The following MTUS2 variants were observed in gnomAD, a reference collection of about 807,000 sequenced individuals.
MTUS2 encodes microtubule associated scaffold protein 2.
Under a neutral mutation model 114.1 loss-of-function variants are expected in MTUS2, and 40 were observed. The ratio of observed to expected loss-of-function variants is 0.35; its 90% CI spans 0.27 to 0.46. The LOEUF (loss-of-function observed/expected upper bound fraction) is 0.46. Among genes scored for constraint, MTUS2 ranks in the 20% least tolerant of loss-of-function variants. MTUS2 has a pLI of 1.00. For synonymous variants in MTUS2, 688 were observed against 672.0 expected, an observed-to-expected ratio of 1.02 and a Z score of -0.37; for missense variants, 1,679 against 1,705.4, an observed-to-expected ratio of 0.98 and a Z score of 0.27.
intron 2 of MTUS2, among the ~76,000 whole-genome samples, chr13:28,881,192 G>A (rs1202963742): frequency 6.6e-6 from 1 of 152,116 alleles, no homozygotes; most frequent in Non-Finnish European, 1.5e-5. Context: ...TGTACTTACT[G>A]TTTAGTTCCC....
chr13:29,225,515 TATC>T (rs1896073326), intron 5 of MTUS2, among the ~76,000 whole-genome samples: 1 of 152,210 alleles, frequency 6.6e-6, no homozygotes, highest in African/African-American at 2.4e-5. Flanking sequence ...TGGTAAATCA[TATC>T]ATGATCCACC....
chr13:28,974,802 G>A (rs1460946722), intron 2 of MTUS2, among the ~76,000 whole-genome samples: 1 of 152,106 alleles, frequency 6.6e-6, no homozygotes, highest in Non-Finnish European at 1.5e-5. Flanking sequence ...GTCAAATCCT[G>A]ACAGTTTTAC....
At chr13:29,468,492 T>C (rs1277340288) in intron 9 of MTUS2, among the ~76,000 whole-genome samples, 1 of 151,882 alleles carries the variant, frequency 6.6e-6, no homozygotes, top group Non-Finnish European at 1.5e-5. Flanking sequence ...GGCAGGAAAA[T>C]TGTTTGAACC....
chr13:29,330,764 T>C (rs751052722), intron 7 of MTUS2, among the ~76,000 whole-genome samples: 4 of 152,226 alleles, frequency 2.6e-5, no homozygotes, highest in Non-Finnish European at 5.9e-5. Flanking sequence ...GCATTATTTC[T>C]GAGGCCTTTA....
chr13:29,275,387 T>A lies in MTUS2; in HGVS notation c.2645-6317T>A, dbSNP rs191585072. 2.9e-3 allele frequency among the ~76,000 whole-genome samples: 438 copies of A among 152,304 alleles called. 2 individuals are homozygous for A. Among genetic ancestry groups the A allele is most frequent in the African/African-American group, 9.0e-3 (376 of 41,572 alleles). On this transcript the variant is annotated intron_variant, in intron 5 of 15. Transcript: ENST00000612955. ...TGTGTTATAAACAATCTAGTTATAC[T>A]CTTTTAGTTATTTTTAAATGTATAA...
intron 7 of MTUS2, among the ~76,000 whole-genome samples, chr13:29,336,790 A>G (rs565963873): frequency 1.2e-4 from 18 of 152,278 alleles, no homozygotes; most frequent in Non-Finnish European, 1.9e-4. Flanking sequence ...TGGGAATTCT[A>G]TCTATAAGCC....
At chr13:29,359,854 A>T (rs1315106870) in intron 8 of MTUS2, among the ~76,000 whole-genome samples, 1 of 152,152 alleles carries the variant, frequency 6.6e-6, no homozygotes, top group Non-Finnish European at 1.5e-5. Context: ...TCACATCACA[A>T]CAAAGGGAGA....
chr13:29,227,116 G>A (rs1489604767), intron 5 of MTUS2, among the ~76,000 whole-genome samples: 1 of 152,020 alleles, frequency 6.6e-6, no homozygotes, highest in Non-Finnish European at 1.5e-5. Context: ...AAAATTAGCT[G>A]GGTGTGGTAG....
intron 5 of MTUS2, among the ~76,000 whole-genome samples, chr13:29,228,186 G>A (rs1377447336): frequency 1.3e-5 from 2 of 152,192 alleles, no homozygotes; most frequent in Non-Finnish European, 2.9e-5. Context: ...GTAGGGGAGT[G>A]GGTGAATACG....
chr13:29,489,139 G>A (rs1313854590), intron 11 of MTUS2, among the ~76,000 whole-genome samples: 2 of 152,040 alleles, frequency 1.3e-5, no homozygotes, highest in African/African-American at 4.8e-5. Context: ...ACAAAAATTA[G>A]CCAGGCGCGG....
intron 2 of MTUS2, among the ~76,000 whole-genome samples, chr13:28,927,418 TAGTC>T (rs1262696428): frequency 6.6e-6 from 1 of 151,880 alleles, no homozygotes; most frequent in Admixed American, 6.6e-5. Context: ...AAGAAAAAAT[TAGTC>T]AGGCATAGTG....
intron 3 of MTUS2, among the ~76,000 whole-genome samples, chr13:29,032,598 A>G (rs535978118): frequency 4.6e-5 from 7 of 152,374 alleles, no homozygotes; most frequent in African/African-American, 1.4e-4. Context: ...GCCAAGGACT[A>G]TCTACTATAA....
chr13:29,175,197 CTG>C (rs1349503768), intron 5 of MTUS2, among the ~76,000 whole-genome samples: 2 of 152,156 alleles, frequency 1.3e-5, no homozygotes, highest in Admixed American at 1.3e-4. Context: ...TATTTGTACA[CTG>C]TAAATATAAA....
intron 5 of MTUS2, among the ~76,000 whole-genome samples, chr13:29,210,621 C>T (rs540844424): frequency 4.4e-4 from 67 of 152,262 alleles, no homozygotes; most frequent in African/African-American, 1.5e-3. Flanking sequence ...ACAGGGTGCT[C>T]GCTTTATGTG....
chr13:29,126,418 C>A (rs550464491), intron 5 of MTUS2, among the ~76,000 whole-genome samples: 1 of 152,166 alleles, frequency 6.6e-6, no homozygotes, highest in Non-Finnish European at 1.5e-5. Context: ...CTACAGAATT[C>A]CCATTTTACT....
In MTUS2 at chr13:29,100,947, C is replaced by G. The variant is rs1300950929; in HGVS notation, c.2621C>G (p.Pro874Arg). ...ACCCAGTCCGGGGACAGTGCACAGC[C>G]AGAGCAGGGCCGGCCAGCCACCCGT... ...SSTQSGDSAQ[P>R]EQGRPATRST... Residue 874 changes from proline to arginine, a missense_variant, in exon 5 of 16, where the codon CCA (proline) becomes CGA (arginine). Pro to Arg is a moderately radical substitution (Grantham distance 103). Transcript: ENST00000612955. 2 of 1,570,256 alleles carry G rather than the reference C, an allele frequency of 1.3e-6. No homozygotes were observed.
chr13:28,936,367 T>C (rs554721588), intron 2 of MTUS2, among the ~76,000 whole-genome samples: 1 of 152,350 alleles, frequency 6.6e-6, no homozygotes, highest in African/African-American at 2.4e-5. Flanking sequence ...ATAAAAATGC[T>C]TTATCTGACT....
chr13:29,243,875 T>C (rs1896817172), intron 5 of MTUS2, among the ~76,000 whole-genome samples: 1 of 152,172 alleles, frequency 6.6e-6, no homozygotes, highest in South Asian at 2.1e-4. Flanking sequence ...TAGCCAGGGT[T>C]GAAAAGCACT....
At chr13:29,090,904 C>T (rs1382886144) in intron 4 of MTUS2, among the ~76,000 whole-genome samples, 1 of 152,204 alleles carries the variant, frequency 6.6e-6, no homozygotes, top group African/African-American at 2.4e-5. Context: ...CCAGGCAGTT[C>T]TCCCCATGAA....
Sources: allele counts gnomAD v4.1 joint callset (sites outside exome capture counted in the v4.1 genomes callset), GRCh38; gene constraint gnomAD v4.1.1; transcripts MANE v1.5; gene names NCBI Gene and HGNC (gene_info 2026-07-23, HGNC 2026-07-21).